Variants in UGT1A9 observed in about 807,000 individuals in gnomAD.
The protein encoded by UGT1A9 is UDP glucuronosyltransferase family 1 member A9, also known as UDP-glucuronosyltransferase 1A9.
A neutral mutation model predicts 45.0 loss-of-function variants in UGT1A9; 35 were observed. The observed-to-expected ratio is 0.78, with a 90% CI of 0.59 to 1.03. The LOEUF (loss-of-function observed/expected upper bound fraction) is 1.03, where lower values mean the gene tolerates loss of function less well. Among genes scored for constraint, UGT1A9 ranks in the 50% least tolerant of loss-of-function variants. The pLI is 0.00. For missense variants in UGT1A9, 687 were observed against 666.6 expected (o/e 1.03, Z -0.34); for synonymous variants, 278 against 250.6 (o/e 1.11, Z -1.03).
intron 1 of UGT1A9, chr2:233,690,989 C>G (rs2075024416): frequency 2.0e-6 from 2 of 994,596 alleles, no homozygotes; most frequent in Admixed American, 1.2e-4. Context: ...CACATATGAG[C>G]AACAGGATTT....
At chr2:233,756,026 C>T (rs573577160) in intron 1 of UGT1A9, 1 of 152,204 alleles carries the variant, frequency 6.6e-6, no homozygotes, top group Non-Finnish European at 1.5e-5. Context: ...TACACATCCC[C>T]CATGTAGCTT....
At chr2:233,719,730 C>G in intron 1 of UGT1A9, 3 of 1,613,500 alleles carry the variant, frequency 1.9e-6, no homozygotes, top group Non-Finnish European at 2.5e-6. Flanking sequence ...CCAGGCAAAA[C>G]ACTTTTTAAA....
At chr2:233,697,371 T>C (rs1038271148) in intron 1 of UGT1A9, among the ~76,000 whole-genome samples, 9 of 152,090 alleles carry the variant, frequency 5.9e-5, no homozygotes, top group Non-Finnish European at 1.0e-4. Context: ...GCATATAGAG[T>C]TCACAATAAT....
chr2:233,702,215 T>C (rs1034307572), intron 1 of UGT1A9, among the ~76,000 whole-genome samples: 6 of 152,218 alleles, frequency 3.9e-5, no homozygotes, highest in Non-Finnish European at 7.4e-5. Flanking sequence ...ATCAACTTTC[T>C]GTCCTTATGA....
chr2:233,748,611 A>G (rs1693987516), intron 1 of UGT1A9, among the ~76,000 whole-genome samples: 1 of 151,804 alleles, frequency 6.6e-6, no homozygotes, highest in Non-Finnish European at 1.5e-5. Context: ...AGAGCAACGA[A>G]CGTGGGATAT....
In UGT1A9 at chr2:233,742,646, C is replaced by T. The variant is rs1203522527; in HGVS notation, c.856-24388C>T. 5.3e-5 allele frequency: 8 copies of T among 152,164 alleles called. 1 individual carries two copies. The highest frequency in any genetic ancestry group is 1.2e-4 in the African/African-American group (5 of 41,160). The allele number at this position is 152,164 out of a possible 1,614,324, so 9.4% of individuals were successfully genotyped here. A position where few individuals can be genotyped will look rare whatever the true frequency, so the allele number is the denominator to read the frequency against. On this transcript the variant is annotated intron_variant, in intron 1 of 4. Transcript: ENST00000354728. Reference sequence around the variant, plus strand: ...GCTGAAGACAGTCCTAGTATACCACCGACCAACCATGTAACCCCAAGGTTT... The same window carrying T: ...GCTGAAGACAGTCCTAGTATACCACTGACCAACCATGTAACCCCAAGGTTT...
At chr2:233,768,188 A>G in intron 3 of UGT1A9, 32 bp from the exon 4 acceptor site, 1 of 1,614,062 alleles carries the variant, frequency 6.2e-7, no homozygotes, top group Non-Finnish European at 8.5e-7. Context: ...CAGAGATGTA[A>G]CTGCTGACAT....
chr2:233,682,066 G>A (rs778934724), intron 1 of UGT1A9: 5 of 1,613,972 alleles, frequency 3.1e-6, no homozygotes, highest in African/African-American at 1.3e-5. Flanking sequence ...CCATGCAGTC[G>A]GTGGTGGAGA....
rs1247902787 is a variant in UGT1A9 at position 233,740,991 on chromosome 2, GAGGA to G, written c.856-26038_856-26035del. The G allele has an allele frequency of 1.6e-4, 25 of 151,764 alleles. 2 individuals are homozygous for G. Among genetic ancestry groups the G allele is most frequent in the African/African-American group, 6.1e-4 (25 of 41,070 alleles). 9.4% of individuals were successfully genotyped at this position (151,764 alleles called of 1,614,324 possible). A position where few individuals can be genotyped will look rare whatever the true frequency, so the allele number is the denominator to read the frequency against. ...AGTCCTAGCTACTGGGAATGCTGAGGAGGAAGGATCACTTGAGCCCAGGAATTCG... is the reference window on the plus strand; with the variant it reads ...AGTCCTAGCTACTGGGAATGCTGAGGAGGATCACTTGAGCCCAGGAATTCG... On this transcript the variant is annotated intron_variant, in intron 1 of 4. Coordinates refer to ENST00000354728, the MANE Select transcript of UGT1A9 (RefSeq NM_021027.3).
intron 1 of UGT1A9, among the ~76,000 whole-genome samples, chr2:233,677,869 G>A (rs1189282780): frequency 6.6e-6 from 1 of 151,890 alleles, no homozygotes; most frequent in Non-Finnish European, 1.5e-5. Flanking sequence ...CACATGCACT[G>A]GTATGTTCAT....
At chr2:233,724,697 C>T (rs1320609945) in intron 1 of UGT1A9, among the ~76,000 whole-genome samples, 4 of 144,998 alleles carry the variant, frequency 2.8e-5, no homozygotes, top group East Asian at 2.2e-4. Context: ...CGGGTGAAGA[C>T]GCTCCTCGCT....
chr2:233,757,680 A>G (rs1575754544), intron 1 of UGT1A9, among the ~76,000 whole-genome samples: 1 of 151,598 alleles, frequency 6.6e-6, no homozygotes, highest in South Asian at 2.1e-4. Context: ...AAGGAATTCA[A>G]GGGATTCAAG....
chr2:233,729,524 A>G, intron 1 of UGT1A9: 1 of 1,614,234 alleles, frequency 6.2e-7, no homozygotes, highest in South Asian at 1.1e-5. Flanking sequence ...GAGCTACTAC[A>G]TAATGAGGCC....
intron 1 of UGT1A9, among the ~76,000 whole-genome samples, chr2:233,737,198 G>A (rs2078851013): frequency 6.6e-6 from 1 of 152,216 alleles, no homozygotes; most frequent in Non-Finnish European, 1.5e-5. Flanking sequence ...TTGCTGAGCT[G>A]CGGTGGACTC....
At chr2:233,735,613 C>G (rs2078673556) in intron 1 of UGT1A9, among the ~76,000 whole-genome samples, 1 of 152,148 alleles carries the variant, frequency 6.6e-6, no homozygotes, top group African/African-American at 2.4e-5. Context: ...CATCGATAGT[C>G]TTTACAATTT....
chr2:233,741,715 A>AG (rs2125837750), intron 1 of UGT1A9: 1 of 152,002 alleles, frequency 6.6e-6, no homozygotes, highest in African/African-American at 2.4e-5. Context: ...TGAGGGTTCT[A>AG]GAGCATATCC....
At position 233,672,059 on chromosome 2, in the gene UGT1A9, G is replaced by A. The variant is rs756014976; in HGVS notation, c.125G>A (p.Arg42Lys). 8.2e-5 allele frequency: 133 copies of A among 1,614,052 alleles called. No homozygotes were observed. In the Admixed American group the frequency reaches 2.1e-3, roughly 25 times the overall value. Residue 42 changes from arginine (R) to lysine (K), a missense_variant, in exon 1 of 5, where the codon AGG becomes AAG. Arg to Lys is a conservative substitution (Grantham distance 26). Transcript: ENST00000354728. ...PMDGSHWFTM[R>K]SVVEKLILRG... is the part of the protein sequence containing the mutation. ...GATGGGAGCCACTGGTTCACCATGA[G>A]GTCGGTGGTGGAGAAACTCATTCTC...
At chr2:233,688,882 C>A (rs1476610997) in intron 1 of UGT1A9, among the ~76,000 whole-genome samples, 3 of 152,056 alleles carry the variant, frequency 2.0e-5, no homozygotes, top group Admixed American at 2.0e-4. Flanking sequence ...TAAGGAGTGG[C>A]AATCTTGGGA....
chr2:233,680,886 C>T (rs2074501622), intron 1 of UGT1A9, among the ~76,000 whole-genome samples: 1 of 151,846 alleles, frequency 6.6e-6, no homozygotes, highest in African/African-American at 2.4e-5. Context: ...ATAGGGACGG[C>T]GACTCACCAC....
Sources: gnomAD v4.1 joint callset for allele counts (sites outside exome capture counted in the v4.1 genomes callset) on GRCh38, gnomAD v4.1.1 for gene constraint, MANE v1.5 for transcripts, NCBI Gene and HGNC (gene_info 2026-07-23, HGNC 2026-07-21) for gene names.